GPC5: variants seen among roughly 807,000 people sequenced by gnomAD.
The protein encoded by GPC5 is glypican 5, also known as glypican-5.
In GPC5, 47 loss-of-function variants were observed where a neutral mutation model predicts 53.9. That is an observed-to-expected ratio of 0.87 (90% CI 0.69 to 1.11). The LOEUF (loss-of-function observed/expected upper bound fraction) is 1.11. Ranked by LOEUF, GPC5 falls within the 50% of genes most tolerant of loss-of-function variation. The probability of loss-of-function intolerance (pLI) is 0.00; values close to 1 mark genes in which losing one functional copy is unlikely to be tolerated. For missense variants in GPC5, 748 were observed against 713.1 expected, an observed-to-expected ratio of 1.05 and a Z score of -0.56; for synonymous variants, 286 against 263.3, an observed-to-expected ratio of 1.09 and a Z score of -0.84.
chr13:92,445,314 T>C (rs190396932), intron 7 of GPC5, among the ~76,000 whole-genome samples: 1 of 128,254 alleles, frequency 7.8e-6, no homozygotes, highest in African/African-American at 3.3e-5. Context: ...TTTTATTTTA[T>C]TTTATTTTAT....
At chr13:92,445,741 G>A (rs903923321) in intron 7 of GPC5, among the ~76,000 whole-genome samples, 3 of 151,790 alleles carry the variant, frequency 2.0e-5, no homozygotes, top group Non-Finnish European at 4.4e-5. Flanking sequence ...TTGGTTCCAA[G>A]TCTTTGCTAT....
chr13:92,012,490 G>T (rs1367603315), intron 6 of GPC5, among the ~76,000 whole-genome samples: 1 of 152,068 alleles, frequency 6.6e-6, no homozygotes, highest in Non-Finnish European at 1.5e-5. Context: ...TAAAACAAAA[G>T]TCATTTGAAT....
chr13:92,775,805 T>A (rs1160440187), intron 7 of GPC5, among the ~76,000 whole-genome samples: 1 of 152,220 alleles, frequency 6.6e-6, no homozygotes, highest in Non-Finnish European at 1.5e-5. Flanking sequence ...AAACATTCAT[T>A]GACAACGGTC....
intron 2 of GPC5, among the ~76,000 whole-genome samples, chr13:91,487,556 C>A (rs1883684159): frequency 6.6e-6 from 1 of 152,154 alleles, no homozygotes. Context: ...GATCTGATCA[C>A]CTTCAATGGC....
chr13:91,809,612 C>A (rs2038278308), intron 5 of GPC5, among the ~76,000 whole-genome samples: 1 of 152,038 alleles, frequency 6.6e-6, no homozygotes, highest in Non-Finnish European at 1.5e-5. Flanking sequence ...ACAGAATTAA[C>A]TGGAAATTTA....
chr13:92,788,037 A>G (rs1876322211), intron 7 of GPC5, among the ~76,000 whole-genome samples: 1 of 152,156 alleles, frequency 6.6e-6, no homozygotes, highest in South Asian at 2.1e-4. Context: ...TCAGATTAAA[A>G]GTGCATATCC....
intron 2 of GPC5, among the ~76,000 whole-genome samples, chr13:91,665,737 C>T (rs1191469151): frequency 6.6e-6 from 1 of 152,078 alleles, no homozygotes; most frequent in Non-Finnish European, 1.5e-5. Context: ...CATCTCCTGA[C>T]CTCGTGATCT....
intron 7 of GPC5, among the ~76,000 whole-genome samples, chr13:92,187,908 T>G (rs2042195560): frequency 6.6e-6 from 1 of 152,228 alleles, no homozygotes; most frequent in Admixed American, 6.5e-5. Context: ...CTTTACTCCC[T>G]TCAAGATCTG....
intron 7 of GPC5, among the ~76,000 whole-genome samples, chr13:92,522,341 C>T (rs922096698): frequency 9.2e-5 from 14 of 152,124 alleles, no homozygotes; most frequent in African/African-American, 3.4e-4. Context: ...TGGCACTATT[C>T]ACAACAGCAA....
At chr13:91,836,050 C>T (rs1268591993) in intron 5 of GPC5, among the ~76,000 whole-genome samples, 2 of 151,866 alleles carry the variant, frequency 1.3e-5, no homozygotes, top group Non-Finnish European at 2.9e-5. Context: ...AAAATAAATG[C>T]ATTTAATGTG....
At chr13:91,439,178 C>A (rs1880233743) in intron 1 of GPC5, among the ~76,000 whole-genome samples, 1 of 152,158 alleles carries the variant, frequency 6.6e-6, no homozygotes, top group South Asian at 2.1e-4. Flanking sequence ...GGTTCTCAAC[C>A]AGAGATGGTT....
rs1302239463 is a variant in GPC5 at position 92,435,079 on chromosome 13, T to C, written c.1561+290090T>C. On this transcript the variant is annotated intron_variant, in intron 7 of 7. Transcript: ENST00000377067. ...ACAGGTGCATGCCACCACACCCAGC[T>C]AATTTTTGTATTTTTAGTAGAGACG... is the stretch of plus-strand genomic sequence containing the variant. Among the ~76,000 whole-genome samples the C allele has an allele frequency of 3.9e-5, 6 of 152,204 alleles. No homozygotes were observed. The South Asian group carries it at 1.2e-3, about 32-fold the overall frequency.
intron 7 of GPC5, among the ~76,000 whole-genome samples, chr13:92,767,950 G>A (rs1001692288): frequency 1.8e-4 from 28 of 151,920 alleles, no homozygotes; most frequent in African/African-American, 6.5e-4. Context: ...ATATCGTTTT[G>A]CCCAAAATTG....
intron 5 of GPC5, among the ~76,000 whole-genome samples, chr13:91,816,487 A>T (rs902158157): frequency 1.3e-5 from 2 of 152,180 alleles, no homozygotes; most frequent in Admixed American, 6.5e-5. Flanking sequence ...AGTTTAAGAA[A>T]GGACGAATTC....
chr13:92,398,547 A>C (rs61973582), intron 7 of GPC5, among the ~76,000 whole-genome samples: 12,849 of 151,130 alleles, frequency 0.085, 586 homozygotes, highest in Admixed American at 0.12. Context: ...CCTTTTCTTT[A>C]GATGTTTAGA....
rs550803590 is a variant in GPC5 at position 92,622,205 on chromosome 13, T to C, written c.1562-244077T>C. On this transcript the variant is annotated intron_variant, in intron 7 of 7. Coordinates refer to ENST00000377067, the MANE Select transcript of GPC5 (RefSeq NM_004466.6). Reference sequence around the variant, plus strand: ...TATTCTGACCCTGTCCCTGCCAGGCTCTGGGTTAGCAGTGGCGCTGTTCCT... The same window carrying C: ...TATTCTGACCCTGTCCCTGCCAGGCCCTGGGTTAGCAGTGGCGCTGTTCCT... Among the ~76,000 whole-genome samples the C allele has an allele frequency of 2.6e-4, 39 of 152,304 alleles. 1 individual carries two copies. Among genetic ancestry groups the C allele is most frequent in the Admixed American group, 1.1e-3 (17 of 15,306 alleles).
intron 7 of GPC5, among the ~76,000 whole-genome samples, chr13:92,720,831 T>C (rs540407432): frequency 2.9e-4 from 44 of 152,236 alleles, no homozygotes; most frequent in African/African-American, 9.6e-4. Flanking sequence ...CTAAAAGTTG[T>C]TTTTGCAATA....
intron 6 of GPC5, among the ~76,000 whole-genome samples, chr13:92,051,292 C>T (rs1229194549): frequency 6.6e-6 from 1 of 151,162 alleles, no homozygotes. Context: ...ATCTCTGCCT[C>T]CCGGGTTCAA....
At chr13:91,845,426 C>T (rs545462870) in intron 5 of GPC5, among the ~76,000 whole-genome samples, 39 of 152,032 alleles carry the variant, frequency 2.6e-4, no homozygotes, top group Non-Finnish European at 4.9e-4. Flanking sequence ...GAAATGACTA[C>T]CACAATCAAG....
Sources: gnomAD v4.1 joint callset for allele counts (sites outside exome capture counted in the v4.1 genomes callset) on GRCh38, gnomAD v4.1.1 for gene constraint, MANE v1.5 for transcripts, NCBI Gene and HGNC (gene_info 2026-07-23, HGNC 2026-07-21) for gene names.